CHODL: variants seen among roughly 807,000 people sequenced by gnomAD.
CHODL encodes chondrolectin.
Under a neutral mutation model 34.5 loss-of-function variants are expected in CHODL, and 29 were observed. The observed-to-expected ratio is 0.84, with a 90% CI of 0.63 to 1.15. CHODL has a LOEUF of 1.15. Among genes scored for constraint, CHODL ranks in the 50% most tolerant of loss-of-function variants. The pLI, the probability that CHODL is intolerant of heterozygous loss-of-function variation, is 0.00. For missense variants in CHODL, 332 were observed against 332.5 expected, an observed-to-expected ratio of 1.00 and a Z score of 0.01; for synonymous variants, 125 against 116.1, an observed-to-expected ratio of 1.08 and a Z score of -0.49.
intron 2 of CHODL, among the ~76,000 whole-genome samples, chr21:18,166,455 C>T (rs947186218): frequency 6.6e-6 from 1 of 152,114 alleles, no homozygotes; most frequent in South Asian, 2.1e-4. Context: ...CAGGTTTTGA[C>T]TACACTCAAA....
intron 1 of CHODL, chr21:18,245,989 G>T: frequency 1.3e-6 from 2 of 1,483,164 alleles, no homozygotes; most frequent in Non-Finnish European, 1.8e-6. Flanking sequence ...CAATTAAGTC[G>T]GTCGAGTCAG....
chr21:18,127,429 T>C (rs2065560105), intron 2 of CHODL, among the ~76,000 whole-genome samples: 1 of 152,168 alleles, frequency 6.6e-6, no homozygotes, highest in Admixed American at 6.5e-5. Context: ...CCTGGATCCA[T>C]TGGTCATGTC....
chr21:18,028,476 C>T (rs2064209226), intron 2 of CHODL, among the ~76,000 whole-genome samples: 1 of 151,736 alleles, frequency 6.6e-6, no homozygotes, highest in African/African-American at 2.4e-5. Flanking sequence ...GTGGGTAGAT[C>T]ACCTGAGGTC....
intron 3 of CHODL, among the ~76,000 whole-genome samples, chr21:18,258,221 A>G (rs962448478): frequency 5.9e-5 from 9 of 151,946 alleles, no homozygotes; most frequent in Admixed American, 1.3e-4. Flanking sequence ...TTCTTTAACC[A>G]TCTTGGTTGC....
At chr21:18,041,985 A>T (rs1047123766) in intron 2 of CHODL, among the ~76,000 whole-genome samples, 1 of 151,702 alleles carries the variant, frequency 6.6e-6, no homozygotes, top group Non-Finnish European at 1.5e-5. Context: ...TTTTAGGTAG[A>T]ATTTGGAGAG....
chr21:18,028,273 TTTCCCCTTCC>T lies in CHODL; in HGVS notation c.-45+307_-45+316del, dbSNP rs1246980116. ...TTTTCCTTTTCTTTTTCTTTTTCCT[TTTCCCCTTCC>T]TTCCTTCCTTCCTTCCTTCCTTCCT... On this transcript the variant is annotated intron_variant, in intron 2 of 6. Transcript: ENST00000400127. Among the ~76,000 whole-genome samples the T allele has an allele frequency of 3.7e-3, 252 of 67,610 alleles. 6 individuals are homozygous for T. The highest frequency in any genetic ancestry group is 0.014 in the Admixed American group (98 of 6,766). The allele number at this position is 67,610 out of a possible 152,430, so 44.4% of individuals were successfully genotyped here.
chr21:18,157,089 T>C (rs1245291438), intron 2 of CHODL, among the ~76,000 whole-genome samples: 1 of 152,200 alleles, frequency 6.6e-6, no homozygotes, highest in African/African-American at 2.4e-5. Flanking sequence ...CTCCCTTCAT[T>C]GTCACCCCTT....
Position 18,244,963 on chromosome 21 carries a change from G to A in CHODL, c.-261G>A, listed in dbSNP as rs901907957. 69 of 435,276 alleles carry A rather than the reference G, an allele frequency of 1.6e-4. No homozygotes were observed. Among genetic ancestry groups the A allele is most frequent in the Admixed American group, 4.6e-5 (1 of 21,752 alleles). The allele number at this position is 435,276 out of a possible 1,614,324, so 27.0% of individuals were successfully genotyped here. The stretch of plus-strand genomic sequence containing the variant: ...TGCTTCGCCTCTAGGACATACACGG[G>A]ACCCCCTAACTTCAGTCCCCCAAAC... On this transcript the variant is annotated 5_prime_UTR_variant, in exon 1 of 6. Transcript: ENST00000299295.
intron 1 of CHODL, among the ~76,000 whole-genome samples, chr21:17,950,380 TGA>T (rs982526760): frequency 6.6e-6 from 1 of 150,784 alleles, no homozygotes; most frequent in African/African-American, 2.4e-5. Flanking sequence ...GAGAATAAAA[TGA>T]GAGAGAGAGA....
At chr21:18,175,587 T>C (rs1385597814) in intron 2 of CHODL, among the ~76,000 whole-genome samples, 4 of 149,682 alleles carry the variant, frequency 2.7e-5, no homozygotes, top group Admixed American at 1.3e-4. Flanking sequence ...TGCGAGACTG[T>C]CTGGAGAAAA....
At chr21:17,994,208 GA>G (rs1279064678) in intron 1 of CHODL, among the ~76,000 whole-genome samples, 7 of 152,068 alleles carry the variant, frequency 4.6e-5, no homozygotes, top group Non-Finnish European at 5.9e-5. Flanking sequence ...TTGTTTATTT[GA>G]AATCTTGGGC....
At chr21:18,252,221 C>T (rs1320503363) in intron 1 of CHODL, among the ~76,000 whole-genome samples, 1 of 151,998 alleles carries the variant, frequency 6.6e-6, no homozygotes, top group African/African-American at 2.4e-5. Flanking sequence ...TAAATGTAAG[C>T]TTAGTGTAAT....
intron 1 of CHODL, among the ~76,000 whole-genome samples, chr21:18,006,287 G>A (rs529525344): frequency 6.7e-4 from 102 of 151,764 alleles, no homozygotes; most frequent in African/African-American, 2.4e-3. Flanking sequence ...GGGTTGATAG[G>A]TGCAGCAAAC....
chr21:18,080,538 C>G (rs1423810349), intron 2 of CHODL, among the ~76,000 whole-genome samples: 1 of 152,036 alleles, frequency 6.6e-6, no homozygotes, highest in Non-Finnish European at 1.5e-5. Flanking sequence ...CAAGTTTATT[C>G]TTCTGCAGAT....
intron 1 of CHODL, chr21:18,245,967 A>G: frequency 6.5e-7 from 1 of 1,530,504 alleles, no homozygotes; most frequent in Non-Finnish European, 8.8e-7. Context: ...GGTTCGGCAC[A>G]CAGTAGGTGC....
chr21:18,107,190 A>C (rs2065284017), intron 2 of CHODL, among the ~76,000 whole-genome samples: 1 of 152,146 alleles, frequency 6.6e-6, no homozygotes, highest in African/African-American at 2.4e-5. Flanking sequence ...ATCAGATATG[A>C]AGTTTGAGAA....
chr21:18,100,816 A>G (rs182394650), intron 2 of CHODL, among the ~76,000 whole-genome samples: 2 of 152,280 alleles, frequency 1.3e-5, no homozygotes, highest in East Asian at 3.9e-4. Flanking sequence ...GAGAGTATTT[A>G]TATACTGTAT....
At chr21:18,095,063 G>T (rs565572150) in intron 2 of CHODL, among the ~76,000 whole-genome samples, 2 of 151,954 alleles carry the variant, frequency 1.3e-5, no homozygotes, top group African/African-American at 2.4e-5. Flanking sequence ...AGCAGAGGTT[G>T]CAGTGAGTCA....
intron 1 of CHODL, among the ~76,000 whole-genome samples, chr21:17,942,041 T>C (rs2063368690): frequency 6.6e-6 from 1 of 152,108 alleles, no homozygotes; most frequent in South Asian, 2.1e-4. Flanking sequence ...CTTCAACATA[T>C]ACATTTTGGG....
Sources: allele counts gnomAD v4.1 joint callset (sites outside exome capture counted in the v4.1 genomes callset), GRCh38; gene constraint gnomAD v4.1.1; transcripts MANE v1.5; gene names NCBI Gene and HGNC (gene_info 2026-07-23, HGNC 2026-07-21).